FSTL4: variants seen among roughly 807,000 people sequenced by gnomAD.
The protein encoded by FSTL4 is follistatin-related protein 4.
FSTL4 carries 28 observed loss-of-function variants against 78.2 expected under a neutral mutation model. The observed-to-expected ratio is 0.36, with a 90% CI of 0.27 to 0.49. FSTL4 has a LOEUF of 0.49. FSTL4 is among the 20% of genes least tolerant of loss of function. FSTL4 has a pLI of 0.98. For synonymous variants in FSTL4, 422 were observed against 440.5 expected, an observed-to-expected ratio of 0.96 and a Z score of 0.53; for missense variants, 922 against 1,084.9, an observed-to-expected ratio of 0.85 and a Z score of 2.11.
At chr5:133,214,468 A>G (rs1750845150) in intron 13 of FSTL4, among the ~76,000 whole-genome samples, 1 of 152,200 alleles carries the variant, frequency 6.6e-6, no homozygotes, top group Non-Finnish European at 1.5e-5. Context: ...TGTTGAAGAG[A>G]TCCAACTCTG....
intron 8 of FSTL4, among the ~76,000 whole-genome samples, chr5:133,232,320 G>A (rs1676543139): frequency 6.6e-6 from 1 of 152,224 alleles, no homozygotes; most frequent in Non-Finnish European, 1.5e-5. Flanking sequence ...GGCCCCGCCT[G>A]TGCATGGAAT....
the FSTL4 span, among the ~76,000 whole-genome samples, chr5:133,828,360 C>T: frequency 2.6e-5 from 4 of 152,206 alleles, no homozygotes; most frequent in Non-Finnish European, 5.9e-5. Flanking sequence ...GTTCACAATG[C>T]TTCACCCTCA....
At chr5:133,315,464 T>G (rs1179395372) in intron 5 of FSTL4, among the ~76,000 whole-genome samples, 3 of 152,172 alleles carry the variant, frequency 2.0e-5, no homozygotes, top group Non-Finnish European at 4.4e-5. Flanking sequence ...GTTAGGGCAC[T>G]CCCCACCCCA....
chr5:133,474,099 G>A (rs553099164), intron 3 of FSTL4, among the ~76,000 whole-genome samples: 52 of 152,196 alleles, frequency 3.4e-4, no homozygotes, highest in Middle Eastern at 3.4e-3. Context: ...CCTCAACTCC[G>A]CCTGCTGTAT....
chr5:133,301,689 C>G (rs1431266528), intron 6 of FSTL4, among the ~76,000 whole-genome samples: 1 of 152,174 alleles, frequency 6.6e-6, no homozygotes, highest in African/African-American at 2.4e-5. Context: ...CGAAAAATTG[C>G]CCATGCCATC....
chr5:133,753,692 TGTGTGTGTGTG>T, the FSTL4 span, among the ~76,000 whole-genome samples: 165 of 102,784 alleles, frequency 1.6e-3, 1 homozygote, highest in Non-Finnish European at 2.5e-3. Context: ...TCTGTGTGTG[TGTGTGTGTGTG>T]TGTGTGTGTG....
intron 6 of FSTL4, 69 bp from the exon 7 acceptor site, chr5:133,249,645 T>A: frequency 7.9e-7 from 1 of 1,273,820 alleles, no homozygotes; most frequent in Non-Finnish European, 1.1e-6. Context: ...TCAAGGTGAA[T>A]AGCCATGAAT....
intron 4 of FSTL4, among the ~76,000 whole-genome samples, chr5:133,328,523 T>C (rs868436182): frequency 5.3e-5 from 8 of 152,344 alleles, no homozygotes; most frequent in Admixed American, 2.6e-4. Flanking sequence ...TATGAAAACA[T>C]GAATAAATGC....
Position 133,440,969 on chromosome 5 carries a change from G to A in FSTL4, c.161-39983C>T, listed in dbSNP as rs374378600. On this transcript the variant is annotated intron_variant, in intron 3 of 15. Coordinates refer to ENST00000265342, the MANE Select transcript of FSTL4 (RefSeq NM_015082.2). This position sits in a 1 kb window ranked among gnomAD's most constrained non-coding sequence, Gnocchi z 4.1. ...TCAGAAAAAGGAAGAAAACACTCCC[G>A]GTGTCAGGGCCTGCACAGCACAGGG... Among the ~76,000 whole-genome samples the A allele has an allele frequency of 1.9e-4, 29 of 152,272 alleles. No homozygotes were observed. Among genetic ancestry groups the A allele is most frequent in the Admixed American group, 1.2e-3 (19 of 15,296 alleles).
intron 8 of FSTL4, 75 bp downstream of exon 8, chr5:133,233,341 GA>G: frequency 6.7e-7 from 1 of 1,489,548 alleles, no homozygotes; most frequent in Non-Finnish European, 9.3e-7. Context: ...CAGAATACAG[GA>G]GGGGGCGAGG....
the FSTL4 span, among the ~76,000 whole-genome samples, chr5:133,761,510 A>G: frequency 6.6e-6 from 1 of 152,130 alleles, no homozygotes; most frequent in Admixed American, 6.5e-5. Context: ...TTCAAGCCCC[A>G]TTTCCCCTGA....
the FSTL4 span, among the ~76,000 whole-genome samples, chr5:133,623,307 A>C: frequency 6.6e-6 from 1 of 152,120 alleles, no homozygotes; most frequent in East Asian, 1.9e-4. Flanking sequence ...AAGGACAGAC[A>C]TATAGACCAA....
chr5:133,653,827 C>T, the FSTL4 span, among the ~76,000 whole-genome samples: 29,124 of 152,190 alleles, frequency 0.19, 2,909 homozygotes, highest in Middle Eastern at 0.41. Context: ...CACACACTCA[C>T]GCACATGCAC....
intron 3 of FSTL4, among the ~76,000 whole-genome samples, chr5:133,407,565 C>T (rs998775557): frequency 6.6e-6 from 1 of 152,162 alleles, no homozygotes; most frequent in Non-Finnish European, 1.5e-5. Context: ...GTTTACAGAT[C>T]CTAACCTGAG....
At chr5:133,725,435 T>C in the FSTL4 span, among the ~76,000 whole-genome samples, 4 of 152,256 alleles carry the variant, frequency 2.6e-5, no homozygotes, top group African/African-American at 9.6e-5. Context: ...CAGAGATGTG[T>C]TCTCCACGAG....
chr5:133,372,339 C>T lies in FSTL4; in HGVS notation c.409+28399G>A, dbSNP rs566209331. Among the ~76,000 whole-genome samples the T allele has an allele frequency of 2.6e-5, 4 of 151,936 alleles. No homozygotes were observed. The South Asian group carries it at 6.2e-4, about 24-fold the overall frequency. ...ATAAAGTTTTTAGACTGTGTGTGATCCTAGTCTTTGCCCCCTGGAGGTCAC... is the reference window on the plus strand; with the variant it reads ...ATAAAGTTTTTAGACTGTGTGTGATTCTAGTCTTTGCCCCCTGGAGGTCAC... On this transcript the variant is annotated intron_variant, in intron 4 of 15. Transcript: ENST00000265342.
the FSTL4 span, among the ~76,000 whole-genome samples, chr5:133,701,402 C>CAA: frequency 0.3 from 28,822 of 94,610 alleles, 4,743 homozygotes; most frequent in African/African-American, 0.4. Flanking sequence ...GAGTCAGTCT[C>CAA]AAAAAAAAAA....
Position 133,395,678 on chromosome 5 carries a change from T to A in FSTL4, c.409+5060A>T, listed in dbSNP as rs7719706. 5.5e-3 allele frequency among the ~76,000 whole-genome samples: 835 copies of A among 152,168 alleles called. 10 individuals are homozygous for A. Among genetic ancestry groups the A allele is most frequent in the African/African-American group, 0.017 (692 of 41,488 alleles). On this transcript the variant is annotated intron_variant, in intron 4 of 15. Coordinates refer to ENST00000265342, the MANE Select transcript of FSTL4 (RefSeq NM_015082.2). ...GCTCTCCCCTACACCCAGGATCCCA[T>A]AATCACTTGCTCTTCCCGGAGACTG...
At chr5:133,331,499 T>A (rs1169939376) in intron 4 of FSTL4, among the ~76,000 whole-genome samples, 1 of 152,138 alleles carries the variant, frequency 6.6e-6, no homozygotes, top group Non-Finnish European at 1.5e-5. Context: ...CGGAAGGGGC[T>A]CCTGGGGTCA....
Sources: allele counts gnomAD v4.1 joint callset (sites outside exome capture counted in the v4.1 genomes callset), GRCh38; gene constraint gnomAD v4.1.1; non-coding constraint Gnocchi (gnomAD v3.1); transcripts MANE v1.5; gene names NCBI Gene and HGNC (gene_info 2026-07-23, HGNC 2026-07-21).